The following PCDHGA6 variants were observed in gnomAD, a reference collection of about 807,000 sequenced individuals.
PCDHGA6 encodes protocadherin gamma subfamily A, 6, also known as protocadherin gamma-A6.
A neutral mutation model predicts 60.6 loss-of-function variants in PCDHGA6; 41 were observed. The ratio of observed to expected loss-of-function variants is 0.68; its 90% CI spans 0.53 to 0.88. PCDHGA6 has a LOEUF of 0.88. PCDHGA6 is among the 40% of genes least tolerant of loss of function. PCDHGA6 has a pLI of 0.00. For synonymous variants in PCDHGA6, 594 were observed against 524.4 expected (o/e 1.13, Z -1.81); for missense variants, 1,312 against 1,203.0 (o/e 1.09, Z -1.34).
chr5:141,423,157 G>A (rs527921011), intron 1 of PCDHGA6: 1 of 1,610,820 alleles, frequency 6.2e-7, no homozygotes, highest in Non-Finnish European at 8.5e-7. Flanking sequence ...GCAGAGCCTC[G>A]TGGTGGCCGT....
rs1596259997 is a variant in PCDHGA6, at chr5:141,509,990, A to G, written c.2573-957A>G. Among the ~76,000 whole-genome samples the G allele has an allele frequency of 2.6e-5, 4 of 152,266 alleles. No individual in the cohort carries two copies. The South Asian group carries it at 8.3e-4, about 32-fold the overall frequency. ...GGTCCTTCTAACACTTGGTTCCCTC[A>G]TCTGTAAAATGAGGGTCATACCACA... is the stretch of plus-strand genomic sequence containing the variant. On this transcript the variant is annotated intron_variant, in intron 3 of 3. Transcript: ENST00000517434.
rs919375073 is a variant in PCDHGA6 at position 141,490,642 on chromosome 5, C to A, written c.2425-4165C>A. On this transcript the variant is annotated intron_variant, in intron 1 of 3. Coordinates refer to ENST00000517434, the MANE Select transcript of PCDHGA6 (RefSeq NM_018919.3). This position sits in a 1 kb window ranked among gnomAD's most constrained non-coding sequence, Gnocchi z 5.4. ...CACTGCTTACATCCTAGAAAACCGG[C>A]CTCCGGGCTCCCTTCTTTGCACTGT... 4.3e-6 allele frequency: 7 copies of A among 1,614,102 alleles called. No individual in the cohort carries two copies. In the African/African-American group the frequency reaches 6.7e-5, roughly 15 times the overall value.
At chr5:141,402,945 A>T (rs2094324619) in intron 1 of PCDHGA6, 2 of 1,593,720 alleles carry the variant, frequency 1.3e-6, no homozygotes, top group Admixed American at 3.6e-5. Flanking sequence ...TTCCAAAGCG[A>T]GGCAGCAATG....
intron 1 of PCDHGA6, among the ~76,000 whole-genome samples, chr5:141,401,714 A>T (rs964631036): frequency 2.0e-5 from 3 of 152,226 alleles, no homozygotes; most frequent in Non-Finnish European, 4.4e-5. Flanking sequence ...CATTTTTAAG[A>T]CAAAAACTAC....
At position 141,477,067 on chromosome 5, in the gene PCDHGA6, C is replaced by G. The variant is rs370882752; in HGVS notation, c.2425-17740C>G. 5.6e-5 allele frequency: 91 copies of G among 1,614,116 alleles called. No individual in the cohort carries two copies. Among genetic ancestry groups the G allele is most frequent in the Non-Finnish European group, 7.7e-5 (91 of 1,180,042 alleles). ...GGCTGGACTTCGAGGACACCAAACT[C>G]CATGAGATTTACATCCAGGCCAAAG... On this transcript the variant is annotated intron_variant, in intron 1 of 3. Transcript: ENST00000517434. This position sits in a 1 kb window ranked among gnomAD's most constrained non-coding sequence, Gnocchi z 4.9.
rs760017836 is a variant in PCDHGA6, at chr5:141,432,060, C to G, written c.2424+55553C>G. 1.2e-6 allele frequency: 2 copies of G among 1,614,200 alleles called. No homozygotes were observed. The highest frequency in any genetic ancestry group is 1.7e-6 in the Non-Finnish European group (2 of 1,180,048). ...GACCGGGGAACCCCGCCCCTATCCACGGAAACTCATATCTCGCTGAACGTG... is the reference window on the plus strand; with the variant it reads ...GACCGGGGAACCCCGCCCCTATCCAGGGAAACTCATATCTCGCTGAACGTG... On this transcript the variant is annotated intron_variant, in intron 1 of 3. Coordinates refer to ENST00000517434, the MANE Select transcript of PCDHGA6 (RefSeq NM_018919.3). The surrounding 1 kb of genome is among the most constrained non-coding windows in gnomAD (Gnocchi z 6.0).
intron 1 of PCDHGA6, among the ~76,000 whole-genome samples, chr5:141,438,517 T>G (rs975190211): frequency 6.7e-6 from 1 of 148,384 alleles, no homozygotes; most frequent in Non-Finnish European, 1.5e-5. Context: ...AAACCAATTA[T>G]TTTACATGGA....
intron 1 of PCDHGA6, chr5:141,403,034 G>T (rs1589474195): frequency 1.9e-6 from 3 of 1,614,096 alleles, no homozygotes; most frequent in East Asian, 2.2e-5. Flanking sequence ...GGAGGCCAGG[G>T]CCAGTCAGAT....
chr5:141,487,608 G>A lies in PCDHGA6; in HGVS notation c.2425-7199G>A, dbSNP rs970411391. On this transcript the variant is annotated intron_variant, in intron 1 of 3. Coordinates refer to ENST00000517434, the MANE Select transcript of PCDHGA6 (RefSeq NM_018919.3). The surrounding 1 kb of genome is among the most constrained non-coding windows in gnomAD (Gnocchi z 5.0). ...TGCCCACCCTCTGATCTTCTCTATG[G>A]GCTAGAGGTGAGACCTTTGCAGGCT... 1 of 1,614,182 alleles carries A rather than the reference G, an allele frequency of 6.2e-7. No individual in the cohort carries two copies. Among genetic ancestry groups the A allele is most frequent in the African/African-American group, 1.3e-5 (1 of 75,050 alleles).
In PCDHGA6 at chr5:141,375,231, C is replaced by T; in HGVS notation, c.1148C>T (p.Thr383Ile). ...GACTCTGGCCTGAATGGCCTGGTAA[C>T]CTGTTCCATCCCGAGAAGTCTCCCA... is the stretch of plus-strand genomic sequence containing the variant. ...DRDSGLNGLVTCSIPRSLPFE... is the reference protein window; with the variant it reads ...DRDSGLNGLVICSIPRSLPFE... Residue 383 changes from threonine to isoleucine, a missense_variant, in exon 1 of 4, where the codon ACC becomes ATC. Coordinates refer to ENST00000517434, the MANE Select transcript of PCDHGA6 (RefSeq NM_018919.3). 6.2e-7 allele frequency: 1 copy of T among 1,613,964 alleles called. No homozygotes were observed. The highest frequency in any genetic ancestry group is 2.2e-5 in the East Asian group (1 of 44,884).
At chr5:141,394,407 G>A in intron 1 of PCDHGA6, 1 of 1,614,240 alleles carries the variant, frequency 6.2e-7, no homozygotes, top group Admixed American at 1.7e-5. Context: ...GCAGCTACTG[G>A]TAACAGCCAG....
chr5:141,454,917 C>T (rs1185153715), intron 1 of PCDHGA6, among the ~76,000 whole-genome samples: 1 of 149,330 alleles, frequency 6.7e-6, no homozygotes, highest in Non-Finnish European at 1.5e-5. Flanking sequence ...ACGCCATTCT[C>T]CTGCCTCAGC....
chr5:141,401,345 A>G (rs1233985725), intron 1 of PCDHGA6, among the ~76,000 whole-genome samples: 4 of 152,216 alleles, frequency 2.6e-5, no homozygotes, highest in Non-Finnish European at 4.4e-5. Context: ...TCCATCTCAA[A>G]AAAAAGGAAG....
In PCDHGA6 at chr5:141,482,773, C is replaced by A. The variant is rs2009076; in HGVS notation, c.2425-12034C>A. ...ATTATGGTATTTCATTATCACTGAA[C>A]CTTAAACTGTGTGTGTGGCCGGGTA... On this transcript the variant is annotated intron_variant, in intron 1 of 3. Coordinates refer to ENST00000517434, the MANE Select transcript of PCDHGA6 (RefSeq NM_018919.3). 9.1e-3 allele frequency among the ~76,000 whole-genome samples: 1,158 copies of A among 127,768 alleles called. 29 individuals carry two copies. Among genetic ancestry groups the A allele is most frequent in the Middle Eastern group, 0.013 (3 of 228 alleles). 83.8% of individuals were successfully genotyped at this position (127,768 alleles called of 152,430 possible). A position where few individuals can be genotyped will look rare whatever the true frequency, so the allele number is the denominator to read the frequency against.
At chr5:141,405,316 T>C (rs752153213) in intron 1 of PCDHGA6, 5 of 1,614,232 alleles carry the variant, frequency 3.1e-6, no homozygotes, top group Non-Finnish European at 4.2e-6. Context: ...GTGAGAAAAA[T>C]GAGCCTTTGT....
chr5:141,430,987 C>T (rs1171599563), intron 1 of PCDHGA6: 2 of 1,613,690 alleles, frequency 1.2e-6, no homozygotes, highest in African/African-American at 2.7e-5. Context: ...AGCTTTTCGC[C>T]CTGAATCCGC....
intron 1 of PCDHGA6, 44 bp downstream of exon 1, chr5:141,376,551 C>T: frequency 6.2e-7 from 1 of 1,611,758 alleles, no homozygotes; most frequent in South Asian, 1.1e-5. Flanking sequence ...TCTGATCTTC[C>T]CGCAACCCAA....
intron 1 of PCDHGA6, among the ~76,000 whole-genome samples, chr5:141,448,751 T>C (rs888567097): frequency 1.3e-5 from 2 of 151,804 alleles, no homozygotes; most frequent in South Asian, 4.2e-4. Context: ...CCATCCTGGC[T>C]AACACGGTGA....
chr5:141,469,128 T>C (rs567164869), intron 1 of PCDHGA6, among the ~76,000 whole-genome samples: 1 of 151,692 alleles, frequency 6.6e-6, no homozygotes, highest in East Asian at 1.9e-4. Context: ...ATTTAAAAAT[T>C]AGCCAGAAAT....
Sources: allele counts gnomAD v4.1 joint callset (sites outside exome capture counted in the v4.1 genomes callset), GRCh38; gene constraint gnomAD v4.1.1; non-coding constraint Gnocchi (gnomAD v3.1); transcripts MANE v1.5; gene names NCBI Gene and HGNC (gene_info 2026-07-23, HGNC 2026-07-21).